Variants in TRPM3 observed in about 807,000 individuals in gnomAD.
The protein encoded by TRPM3 is transient receptor potential cation channel subfamily M member 3, also known as long transient receptor potential channel 3.
In TRPM3, 77 loss-of-function variants were observed where a neutral mutation model predicts 181.2. The observed-to-expected ratio is 0.42, with a 90% CI of 0.35 to 0.51. The LOEUF (loss-of-function observed/expected upper bound fraction) is 0.51. Ranked by LOEUF, TRPM3 falls within the 20% of genes least tolerant of loss-of-function variation. TRPM3 has a pLI of 0.01. For missense variants in TRPM3, 1,759 were observed against 2,196.7 expected, an observed-to-expected ratio of 0.80 and a Z score of 3.98; for synonymous variants, 745 against 796.4, an observed-to-expected ratio of 0.94 and a Z score of 1.09.
At chr9:70,872,149 C>A (rs565125166) in intron 1 of TRPM3, among the ~76,000 whole-genome samples, 1 of 151,860 alleles carries the variant, frequency 6.6e-6, no homozygotes, top group Admixed American at 6.6e-5. Context: ...TCTTTGAGGG[C>A]GATACAGTCT....
intron 1 of TRPM3, among the ~76,000 whole-genome samples, chr9:71,302,580 A>T (rs1329448185): frequency 6.6e-6 from 1 of 152,194 alleles, no homozygotes; most frequent in Non-Finnish European, 1.5e-5. Flanking sequence ...GAATGCAGCA[A>T]ATACAATTAT....
intron 22 of TRPM3, among the ~76,000 whole-genome samples, chr9:70,568,285 C>G (rs2051193595): frequency 2.0e-5 from 3 of 152,152 alleles, no homozygotes; most frequent in Admixed American, 2.0e-4. Flanking sequence ...AGCCCAAGTA[C>G]AGCAAGCATT....
chr9:70,650,740 C>T (rs759233475), intron 9 of TRPM3, among the ~76,000 whole-genome samples: 7 of 152,074 alleles, frequency 4.6e-5, no homozygotes, highest in Non-Finnish European at 8.8e-5. Flanking sequence ...GTGTCCTGCA[C>T]TGGGTTTTTC....
intron 12 of TRPM3, among the ~76,000 whole-genome samples, chr9:70,631,550 C>T (rs941234924): frequency 1.3e-5 from 2 of 152,052 alleles, no homozygotes; most frequent in Admixed American, 6.6e-5. Flanking sequence ...TACTTTAAAA[C>T]GTACAGAGGC....
chr9:71,438,067 CATAGGAA>C (rs2094074462), intron 1 of TRPM3, among the ~76,000 whole-genome samples: 1 of 151,972 alleles, frequency 6.6e-6, no homozygotes, highest in African/African-American at 2.4e-5. Flanking sequence ...ATCACTAGTT[CATAGGAA>C]ATACAATGGA....
chr9:70,884,065 T>G (rs1299382395), intron 1 of TRPM3, among the ~76,000 whole-genome samples: 1 of 152,120 alleles, frequency 6.6e-6, no homozygotes, highest in Non-Finnish European at 1.5e-5. Flanking sequence ...GTGGTTCATC[T>G]AAGGGAATTT....
intron 1 of TRPM3, among the ~76,000 whole-genome samples, chr9:70,972,164 A>G (rs2097253896): frequency 6.6e-6 from 1 of 152,262 alleles, no homozygotes; most frequent in African/African-American, 2.4e-5. Flanking sequence ...TTCATAATAA[A>G]AAATGCAAAC....
chr9:71,354,063 G>A (rs1371666804), intron 1 of TRPM3, among the ~76,000 whole-genome samples: 1 of 152,106 alleles, frequency 6.6e-6, no homozygotes, highest in Admixed American at 6.6e-5. Context: ...TGCTGTAACT[G>A]TAGCCCTTCT....
At chr9:71,269,081 T>C (rs2083597458) in intron 1 of TRPM3, among the ~76,000 whole-genome samples, 1 of 152,084 alleles carries the variant, frequency 6.6e-6, no homozygotes, top group Non-Finnish European at 1.5e-5. Context: ...AAGATACAGT[T>C]TTTGAACTCT....
chr9:71,144,554 T>TATGGG (rs2075302639), intron 1 of TRPM3, among the ~76,000 whole-genome samples: 1 of 152,200 alleles, frequency 6.6e-6, no homozygotes, highest in Non-Finnish European at 1.5e-5. Context: ...TTTTCCCTCA[T>TATGGG]ATGGGTCAAT....
At chr9:71,232,517 TTG>T (rs2081121626) in intron 1 of TRPM3, among the ~76,000 whole-genome samples, 1 of 144,746 alleles carries the variant, frequency 6.9e-6, no homozygotes, top group Admixed American at 6.9e-5. Context: ...TTTTTTTTTT[TTG>T]AGACAGGGTC....
intron 1 of TRPM3, among the ~76,000 whole-genome samples, chr9:70,897,053 T>TA (rs1230792196): frequency 7.2e-6 from 1 of 139,598 alleles, no homozygotes; most frequent in African/African-American, 2.7e-5. Flanking sequence ...ATAATTGGGA[T>TA]ATTCATCACC....
chr9:70,839,155 A>T (rs1266224740), intron 5 of TRPM3, among the ~76,000 whole-genome samples: 1 of 152,170 alleles, frequency 6.6e-6, no homozygotes, highest in East Asian at 1.9e-4. Flanking sequence ...GAAGTAGGTA[A>T]GATTTATCAT....
intron 1 of TRPM3, among the ~76,000 whole-genome samples, chr9:71,419,665 A>C (rs2093695999): frequency 1.3e-5 from 2 of 152,014 alleles, no homozygotes. Flanking sequence ...CTGATACAAT[A>C]ATGTGAATGT....
At chr9:71,394,940 G>A (rs1411050233) in intron 1 of TRPM3, among the ~76,000 whole-genome samples, 1 of 152,122 alleles carries the variant, frequency 6.6e-6, no homozygotes, top group Non-Finnish European at 1.5e-5. Context: ...CCCAACCAAG[G>A]CAAGTACAAC....
intron 6 of TRPM3, among the ~76,000 whole-genome samples, chr9:70,787,572 C>T (rs540598233): frequency 3.5e-4 from 53 of 152,052 alleles, no homozygotes; most frequent in African/African-American, 1.1e-3. Context: ...CACACATAAA[C>T]GTATTGTCTT....
At position 70,835,857 on chromosome 9, in the gene TRPM3, T is replaced by C. The variant is rs563376438; in HGVS notation, c.801+7146A>G. Among the ~76,000 whole-genome samples the C allele has an allele frequency of 2.6e-5, 4 of 152,220 alleles. No homozygotes were observed. In the East Asian group the frequency reaches 7.7e-4, roughly 29 times the overall value. ...CTGCAAAGGATAATGGCTAAGAATA[T>C]GGTCTAGGGAGCTAGGTGGCCTAGG... On this transcript the variant is annotated intron_variant, in intron 5 of 25. Transcript: ENST00000677713.
chr9:71,125,857 A>G (rs183559159), upstream of TRPM3, among the ~76,000 whole-genome samples: 3 of 152,314 alleles, frequency 2.0e-5, no homozygotes, highest in East Asian at 5.8e-4. Flanking sequence ...CAACAAAAGC[A>G]AAAATTGACA....
At chr9:71,317,336 T>C (rs923613086) in intron 1 of TRPM3, among the ~76,000 whole-genome samples, 2 of 152,118 alleles carry the variant, frequency 1.3e-5, no homozygotes, top group African/African-American at 2.4e-5. Context: ...AGAAAATTGT[T>C]CAAAATATAG....
Sources: allele counts gnomAD v4.1 joint callset (sites outside exome capture counted in the v4.1 genomes callset), GRCh38; gene constraint gnomAD v4.1.1; transcripts MANE v1.5; gene names NCBI Gene and HGNC (gene_info 2026-07-23, HGNC 2026-07-21).